LAMB4: variants seen among roughly 807,000 people sequenced by gnomAD.
LAMB4 encodes the protein laminin subunit beta-4.
A neutral mutation model predicts 199.2 loss-of-function variants in LAMB4; 196 were observed. The ratio of observed to expected loss-of-function variants is 0.98; its 90% CI spans 0.88 to 1.11. The LOEUF is 1.11. LAMB4 is among the 50% of genes least tolerant of loss of function. The probability of loss-of-function intolerance (pLI) is 0.00; values close to 1 mark genes in which losing one functional copy is unlikely to be tolerated. For synonymous variants in LAMB4, 744 were observed against 770.6 expected (o/e 0.97, Z 0.57); for missense variants, 2,080 against 2,171.2 (o/e 0.96, Z 0.83).
At position 108,076,879 on chromosome 7, in the gene LAMB4, T is replaced by C; in HGVS notation, c.2124+65A>G. On this transcript the variant is annotated intron_variant, in intron 17 of 33. Coordinates refer to ENST00000388781, the MANE Select transcript of LAMB4 (RefSeq NM_007356.3). The stretch of plus-strand genomic sequence containing the variant: ...TTTAAAGAAATATTTCACTAGTGAG[T>C]TTAAAAGTAGTTATAACGGTGCTTA... 3 of 1,551,236 alleles carry C rather than the reference T, an allele frequency of 1.9e-6. No individual in the cohort carries two copies. In the South Asian group the frequency reaches 3.5e-5, roughly 18 times the overall value.
chr7:108,068,351 C>T (rs549372898), intron 18 of LAMB4, among the ~76,000 whole-genome samples, 192 bp from the exon 19 acceptor site: 18 of 152,230 alleles, frequency 1.2e-4, no homozygotes, highest in African/African-American at 3.1e-4. Context: ...ATAAGTTCTG[C>T]GAAGTAGTTA....
Position 108,043,820 on chromosome 7 carries a change from C to A in LAMB4, c.4403G>T (p.Arg1468Ile), listed in dbSNP as rs2035522193. 1 of 1,608,690 alleles carries A rather than the reference C, an allele frequency of 6.2e-7. No individual in the cohort carries two copies. The highest frequency in any genetic ancestry group is 1.3e-5 in the African/African-American group (1 of 74,656). The change falls in exon 29 of 34, where the codon AGA becomes ATA. Residue 1468 changes from arginine (R) to isoleucine (I), a missense_variant. Transcript: ENST00000388781. ...TTCTTCTTCAGAGTCACTTTGGTTT[C>A]TTATATTTCCCAGTTTTTCCCTCAG... ...LQLREKLGNI[R>I]NQSDSEEENI... is the part of the protein sequence containing the mutation.
chr7:108,093,789 C>A (rs1257590673), intron 12 of LAMB4, among the ~76,000 whole-genome samples: 1 of 152,124 alleles, frequency 6.6e-6, no homozygotes, highest in Non-Finnish European at 1.5e-5. Context: ...TGTTAAGCAT[C>A]CATATTTTTT....
chr7:108,049,852 G>A (rs1017049975), intron 26 of LAMB4, among the ~76,000 whole-genome samples: 50 of 152,092 alleles, frequency 3.3e-4, no homozygotes, highest in Non-Finnish European at 1.3e-4. Context: ...CTGTAAATTG[G>A]TGATAATAAT....
At chr7:108,095,144 A>G (rs1332739101) in intron 12 of LAMB4, 84 bp downstream of exon 12, 4 of 940,236 alleles carry the variant, frequency 4.3e-6, no homozygotes, top group Non-Finnish European at 6.7e-6. Context: ...CAAGAAAGAG[A>G]TTAGCAAAAC....
chr7:108,106,635 T>A, intron 6 of LAMB4, 63 bp from the exon 7 acceptor site: 6 of 929,914 alleles, frequency 6.5e-6, no homozygotes, highest in Non-Finnish European at 9.8e-6. Flanking sequence ...TCAAACACAC[T>A]CTTTTTTTTT....
At position 108,097,880 on chromosome 7, in the gene LAMB4, G is replaced by A. The variant is rs1267349088; in HGVS notation, c.1360+523C>T. On this transcript the variant is annotated intron_variant, in intron 11 of 33. Transcript: ENST00000388781. ...GCGTTAAATTTCTTGCCATTTCCCC[G>A]TGTTTGTTCCAGTGGGGAAAATGTG... 2.6e-5 allele frequency among the ~76,000 whole-genome samples: 4 copies of A among 152,246 alleles called. No individual in the cohort carries two copies. The East Asian group carries it at 5.8e-4, about 22-fold the overall frequency.
intron 1 of LAMB4, among the ~76,000 whole-genome samples, chr7:108,127,942 A>G (rs1485618497): frequency 2.6e-5 from 4 of 152,150 alleles, no homozygotes; most frequent in Non-Finnish European, 1.5e-5. Flanking sequence ...CCTGAGAAAG[A>G]CCTGTGGTCT....
chr7:108,034,174 C>A (rs748875357), intron 31 of LAMB4, 34 bp downstream of exon 31: 2 of 1,610,084 alleles, frequency 1.2e-6, no homozygotes, highest in Non-Finnish European at 8.5e-7. Context: ...ACCCTCAAAA[C>A]CTATTTCAGG....
chr7:108,097,190 C>T (rs2150629469), intron 11 of LAMB4, among the ~76,000 whole-genome samples: 1 of 152,262 alleles, frequency 6.6e-6, no homozygotes, highest in South Asian at 2.1e-4. Flanking sequence ...GTTTTCTAAA[C>T]ATGCAAATAA....
intron 10 of LAMB4, among the ~76,000 whole-genome samples, chr7:108,101,144 C>A (rs576596016): frequency 4.6e-4 from 70 of 152,276 alleles, no homozygotes; most frequent in African/African-American, 1.6e-3. Flanking sequence ...TGGATATACC[C>A]TAAGAAGCGG....
chr7:108,024,342 G>A (rs1732153), intron 33 of LAMB4, among the ~76,000 whole-genome samples, 164 bp from the exon 34 acceptor site: 1 of 151,982 alleles, frequency 6.6e-6, no homozygotes, highest in Non-Finnish European at 1.5e-5. Flanking sequence ...GCTTCTCAAG[G>A]TTTTCACATA....
chr7:108,021,780 T>C (rs1324787345), downstream of LAMB4, among the ~76,000 whole-genome samples: 1 of 152,222 alleles, frequency 6.6e-6, no homozygotes, highest in African/African-American at 2.4e-5. Context: ...ACTTTATTCA[T>C]ATTGATTACA....
In LAMB4 at chr7:108,098,519, G is replaced by T. The variant is rs753754788; in HGVS notation, c.1244C>A (p.Ala415Asp). The change falls in exon 11 of 34, where the codon GCC becomes GAC. Residue 415 changes from alanine to aspartate, a missense_variant. Transcript: ENST00000388781. ...GCACTGGCCGGCCACAGACCCTAAG[G>T]CAGGATCAGAGTGGCTCACACAAAT... ...GGICVSHSDP[A>D]LGSVAGQCLC... The T allele has an allele frequency of 1.9e-6, 3 of 1,613,672 alleles. No homozygotes were observed. The East Asian group carries it at 6.7e-5, about 36-fold the overall frequency.
rs142743426 is a variant in LAMB4, at chr7:108,114,885, T to C, written c.192+1119A>G. On this transcript the variant is annotated intron_variant, in intron 3 of 33. Coordinates refer to ENST00000388781, the MANE Select transcript of LAMB4 (RefSeq NM_007356.3). ...GAAAAGAAACCTGAAAAGCCACTTA[T>C]CCTTTTATAAAACTGATCTTTAAGG... Among the ~76,000 whole-genome samples, 1,245 of 152,292 alleles carry C rather than the reference T, an allele frequency of 8.2e-3. 22 individuals carry two copies. Among genetic ancestry groups the C allele is most frequent in the African/African-American group, 0.028 (1,180 of 41,562 alleles).
chr7:108,123,974 T>C (rs1287530685), intron 1 of LAMB4, among the ~76,000 whole-genome samples: 2 of 152,080 alleles, frequency 1.3e-5, no homozygotes. Context: ...CATATACACT[T>C]CAGTGGGTCT....
intron 17 of LAMB4, chr7:108,076,027 T>C (rs2036688936): frequency 1.3e-5 from 2 of 153,776 alleles, no homozygotes; most frequent in Non-Finnish European, 2.9e-5. Context: ...TCAAGAGCCA[T>C]AACACCTTAG....
chr7:108,114,143 A>G (rs1230606197), intron 3 of LAMB4, among the ~76,000 whole-genome samples: 1 of 152,180 alleles, frequency 6.6e-6, no homozygotes, highest in East Asian at 1.9e-4. Context: ...CTCATATTGG[A>G]AAGTGGCGGT....
intron 22 of LAMB4, 106 bp from the exon 23 acceptor site, chr7:108,063,100 GC>G (rs960002395): frequency 7.8e-5 from 50 of 638,416 alleles, no homozygotes; most frequent in Admixed American, 5.1e-4. Context: ...TCTCCAAGGG[GC>G]TCAAAGAATG....
Sources: allele counts gnomAD v4.1 joint callset (sites outside exome capture counted in the v4.1 genomes callset), GRCh38; gene constraint gnomAD v4.1.1; transcripts MANE v1.5; gene names NCBI Gene and HGNC (gene_info 2026-07-23, HGNC 2026-07-21).